NUDT4: variants seen among roughly 807,000 people sequenced by gnomAD.
NUDT4 encodes the protein diphosphoinositol polyphosphate phosphohydrolase 2.
A neutral mutation model predicts 23.1 loss-of-function variants in NUDT4; 5 were observed. The ratio of observed to expected loss-of-function variants is 0.22; its 90% CI spans 0.11 to 0.46. NUDT4 has a LOEUF of 0.46. Ranked by LOEUF, NUDT4 falls within the 20% of genes least tolerant of loss-of-function variation. The pLI, the probability that NUDT4 is intolerant of heterozygous loss-of-function variation, is 0.99. For synonymous variants in NUDT4, 50 were observed against 79.0 expected, an observed-to-expected ratio of 0.63 and a Z score of 1.95; for missense variants, 96 against 211.6, an observed-to-expected ratio of 0.45 and a Z score of 3.39.
intron 1 of NUDT4, 160 bp downstream of exon 1, chr12:93,378,581 TCTTC>T (rs914525384): frequency 3.9e-6 from 5 of 1,294,288 alleles, no homozygotes; most frequent in Non-Finnish European, 3.9e-6. Flanking sequence ...CTCCCTCACT[TCTTC>T]CTTCCTTTCT....
chr12:93,397,863 G>A (rs1250829909), intron 3 of NUDT4, among the ~76,000 whole-genome samples: 3 of 152,152 alleles, frequency 2.0e-5, no homozygotes, highest in Admixed American at 1.3e-4. Flanking sequence ...AGGCCTGCAG[G>A]AGGAGTGCTT....
Position 93,405,915 on chromosome 12 carries a change from A to AT in NUDT4, c.*6540dup, listed in dbSNP as rs955233786. On this transcript the variant is annotated 3_prime_UTR_variant, in exon 5 of 5. Coordinates refer to ENST00000415493, the MANE Select transcript of NUDT4 (RefSeq NM_019094.6). Reference sequence around the variant, plus strand: ...AAATTAGGTACCCTATTATCATGGTATTTTCTTTTTTGGCCAGCTTTTCTA... The same window carrying AT: ...AAATTAGGTACCCTATTATCATGGTATTTTTCTTTTTTGGCCAGCTTTTCTA... 2 of 152,042 alleles carry AT rather than the reference A, an allele frequency of 1.3e-5. No homozygotes were observed. Among genetic ancestry groups the AT allele is most frequent in the Non-Finnish European group, 2.9e-5 (2 of 67,988 alleles). 9.4% of individuals were successfully genotyped at this position (152,042 alleles called of 1,614,324 possible). A position where few individuals can be genotyped will look rare whatever the true frequency, so the allele number is the denominator to read the frequency against.
intron 1 of NUDT4, among the ~76,000 whole-genome samples, chr12:93,393,742 A>G (rs17021197): frequency 0.025 from 3,840 of 152,302 alleles, 161 homozygotes; most frequent in African/African-American, 0.084. Flanking sequence ...ACTTTTGCCT[A>G]TGTATGCAGG....
chr12:93,379,265 G>T lies in NUDT4; in HGVS notation c.99+844G>T, dbSNP rs1215732187. On this transcript the variant is annotated intron_variant, in intron 1 of 4. Coordinates refer to ENST00000415493, the MANE Select transcript of NUDT4 (RefSeq NM_019094.6). Reference sequence around the variant, plus strand: ...GACCCTTGGGGTTTCCCTGGAGAGCGATTTTTACTTAATTCAGTAGTATTT... The same window carrying T: ...GACCCTTGGGGTTTCCCTGGAGAGCTATTTTTACTTAATTCAGTAGTATTT... 2.0e-5 allele frequency among the ~76,000 whole-genome samples: 3 copies of T among 152,182 alleles called. No individual in the cohort carries two copies. The East Asian group carries it at 5.8e-4, about 29-fold the overall frequency.
intron 1 of NUDT4, among the ~76,000 whole-genome samples, chr12:93,379,623 T>G (rs1875501230): frequency 6.6e-6 from 1 of 152,208 alleles, no homozygotes. Flanking sequence ...AATGGGTTGC[T>G]CTGTGCTCAC....
Position 93,405,120 on chromosome 12 carries a change from G to A in NUDT4, c.*5741G>A, listed in dbSNP as rs771492981. 2 of 152,088 alleles carry A rather than the reference G, an allele frequency of 1.3e-5. No homozygotes were observed. The highest frequency in any genetic ancestry group is 2.4e-5 in the African/African-American group (1 of 41,402). 9.4% of individuals were successfully genotyped at this position (152,088 alleles called of 1,614,324 possible). On this transcript the variant is annotated 3_prime_UTR_variant, in exon 5 of 5. Coordinates refer to ENST00000415493, the MANE Select transcript of NUDT4 (RefSeq NM_019094.6). The stretch of plus-strand genomic sequence containing the variant: ...CCTGATGTGTCCTGTTAAAACCTAA[G>A]AGAAACAGCACCAAGTTCAATCTAG...
rs865928590 is a variant in NUDT4 at position 93,406,702 on chromosome 12, G to A, written c.*7323G>A. On this transcript the variant is annotated 3_prime_UTR_variant, in exon 5 of 5. Transcript: ENST00000415493. ...TTTACATAGCACTTACATTATAATA[G>A]GTATTATAAGTAATCTAAATATTAA... 5.6e-4 allele frequency: 85 copies of A among 152,118 alleles called. No homozygotes were observed. The highest frequency in any genetic ancestry group is 2.0e-3 in the African/African-American group (81 of 41,416). 9.4% of individuals were successfully genotyped at this position (152,118 alleles called of 1,614,324 possible).
At chr12:93,378,791 G>GT (rs1875408413) in intron 1 of NUDT4, 1 of 1,007,120 alleles carries the variant, frequency 9.9e-7, no homozygotes, top group Admixed American at 5.9e-5. Flanking sequence ...TGGAAATGGC[G>GT]TGAGTGTTGC....
intron 2 of NUDT4, 57 bp downstream of exon 2, chr12:93,394,776 C>CT: frequency 1.0e-6 from 1 of 1,002,484 alleles, no homozygotes. Flanking sequence ...AGGCCCTTTG[C>CT]TACATAACAC....
chr12:93,389,077 A>G (rs542285040), intron 1 of NUDT4, among the ~76,000 whole-genome samples: 17 of 152,350 alleles, frequency 1.1e-4, no homozygotes, highest in African/African-American at 3.8e-4. Context: ...ACCATCACCA[A>G]AAGTTGGATA....
intron 1 of NUDT4, among the ~76,000 whole-genome samples, chr12:93,387,278 T>C (rs977553473): frequency 6.6e-6 from 1 of 152,158 alleles, no homozygotes; most frequent in Non-Finnish European, 1.5e-5. Flanking sequence ...TTTTTCAAGC[T>C]GAATTGCTTT....
At chr12:93,388,223 C>A (rs1410744205) in intron 1 of NUDT4, among the ~76,000 whole-genome samples, 2 of 152,182 alleles carry the variant, frequency 1.3e-5, no homozygotes. Context: ...CCTGAGATGT[C>A]AAGGGACTCT....
rs897987793 is a variant in NUDT4 at position 93,391,082 on chromosome 12, G to A, written c.100-3527G>A. Among the ~76,000 whole-genome samples the A allele has an allele frequency of 2.6e-5, 4 of 152,216 alleles. 1 individual carries two copies. Among genetic ancestry groups the A allele is most frequent in the East Asian group, 1.9e-4 (1 of 5,186 alleles). Reference sequence around the variant, plus strand: ...CTGTGCTGGCTGAGAACTCTTAAAGGCCAGCAGCTCCTGGCAGCAGGGAGG... The same window carrying A: ...CTGTGCTGGCTGAGAACTCTTAAAGACCAGCAGCTCCTGGCAGCAGGGAGG... On this transcript the variant is annotated intron_variant, in intron 1 of 4. Transcript: ENST00000415493.
intron 1 of NUDT4, 125 bp downstream of exon 1, chr12:93,378,546 C>G: frequency 2.3e-6 from 3 of 1,308,340 alleles, no homozygotes; most frequent in South Asian, 3.9e-5. Context: ...TTCCTCCCTC[C>G]CTCCTTTCCT....
intron 1 of NUDT4, chr12:93,378,668 TG>T: frequency 8.7e-7 from 1 of 1,154,560 alleles, no homozygotes; most frequent in Non-Finnish European, 1.1e-6. Flanking sequence ...AGAAGGCGCC[TG>T]GTCCCCGGGA....
chr12:93,386,230 C>T (rs890951091), intron 1 of NUDT4, among the ~76,000 whole-genome samples: 1 of 151,948 alleles, frequency 6.6e-6, no homozygotes, highest in African/African-American at 2.4e-5. Flanking sequence ...GCCTTGGCTT[C>T]CCAAAGCACC....
chr12:93,387,540 G>A (rs1367276287), intron 1 of NUDT4, among the ~76,000 whole-genome samples: 2 of 152,224 alleles, frequency 1.3e-5, no homozygotes, highest in African/African-American at 2.4e-5. Context: ...TAGAGCAGGT[G>A]TGGCGGTTCT....
chr12:93,379,541 A>G, intron 1 of NUDT4, among the ~76,000 whole-genome samples: 1 of 152,148 alleles, frequency 6.6e-6, no homozygotes, highest in Non-Finnish European at 1.5e-5. Flanking sequence ...TGTTAACGAA[A>G]AGTTCTCGAA....
chr12:93,387,455 C>G (rs1402426600), intron 1 of NUDT4, among the ~76,000 whole-genome samples: 2 of 152,156 alleles, frequency 1.3e-5, no homozygotes, highest in East Asian at 1.9e-4. Flanking sequence ...CCCAGTTTCT[C>G]TTTTATAATC....
Sources: allele counts gnomAD v4.1 joint callset (sites outside exome capture counted in the v4.1 genomes callset), GRCh38; gene constraint gnomAD v4.1.1; transcripts MANE v1.5; gene names NCBI Gene and HGNC (gene_info 2026-07-23, HGNC 2026-07-21).